The following ZNF513 variants were observed in gnomAD, a reference collection of about 807,000 sequenced individuals.
ZNF513 encodes zinc finger protein 513.
ZNF513 carries 16 observed loss-of-function variants against 39.7 expected under a neutral mutation model. The ratio of observed to expected loss-of-function variants is 0.40; its 90% CI spans 0.27 to 0.61. The LOEUF is 0.61. Among genes scored for constraint, ZNF513 ranks in the 20% least tolerant of loss-of-function variants. ZNF513 has a pLI of 0.39. For synonymous variants in ZNF513, 348 were observed against 296.5 expected, an observed-to-expected ratio of 1.17 and a Z score of -1.79; for missense variants, 699 against 743.6, an observed-to-expected ratio of 0.94 and a Z score of 0.70.
chr2:27,380,652 C>T lies in ZNF513; in HGVS notation c.-126G>A. On this transcript the variant is annotated 5_prime_UTR_variant, in exon 1 of 4. Coordinates refer to ENST00000323703, the MANE Select transcript of ZNF513 (RefSeq NM_144631.6). ...GCCGCCCCCATGCAGCGGCGCGGGC[C>T]CTGGGCAGCCCCCGGCCCTGGCCCC... The T allele has an allele frequency of 7.4e-7, 1 of 1,350,942 alleles. No individual in the cohort carries two copies. Among genetic ancestry groups the T allele is most frequent in the Non-Finnish European group, 9.5e-7 (1 of 1,055,644 alleles). The allele number at this position is 1,350,942 out of a possible 1,614,324, so 83.7% of individuals were successfully genotyped here.
Position 27,378,440 on chromosome 2 carries a change from A to C in ZNF513, c.799+27T>G. On this transcript the variant is annotated intron_variant, in intron 3 of 3. Coordinates refer to ENST00000323703, the MANE Select transcript of ZNF513 (RefSeq NM_144631.6). This position sits in a 1 kb window ranked among gnomAD's most constrained non-coding sequence, Gnocchi z 8.0. ...CCTAGGGTCAGCCACCCATGTCCCAAGATCTTTGGTCCCTGGTGTGTCTTA... is the reference window on the plus strand; with the variant it reads ...CCTAGGGTCAGCCACCCATGTCCCACGATCTTTGGTCCCTGGTGTGTCTTA... 2 of 1,613,728 alleles carry C rather than the reference A, an allele frequency of 1.2e-6. No homozygotes were observed. The highest frequency in any genetic ancestry group is 8.5e-7 in the Non-Finnish European group (1 of 1,179,910).
In ZNF513 at chr2:27,378,337, C is replaced by G; in HGVS notation, c.834G>C (p.Val278=). 6.2e-7 allele frequency: 1 copy of G among 1,601,812 alleles called. No individual in the cohort carries two copies. The highest frequency in any genetic ancestry group is 1.1e-5 in the South Asian group (1 of 91,086). The change falls in exon 4 of 4, where the codon GTG becomes GTC. Residue 278 remains valine, a synonymous_variant. Transcript: ENST00000323703. This position sits in a 1 kb window ranked among gnomAD's most constrained non-coding sequence, Gnocchi z 8.0. Reference sequence around the variant, plus strand: ...GCAGGAAACTGGCACCACCTGGTGGCACATGGAGGCTCAAATCTGGAAGGA... The same window carrying G: ...GCAGGAAACTGGCACCACCTGGTGGGACATGGAGGCTCAAATCTGGAAGGA... ...ALLLPDLSLH[V]PPGGASFLPD...
Position 27,377,739 on chromosome 2 carries a change from C to T in ZNF513, c.1432G>A (p.Ala478Thr), listed in dbSNP as rs143734828. ...TTGTCCCAGTGGCCCGTGGTATAGG[C>T]GCAGGTGGCACAGCGGAAGGGCTTC... ...GEKPFRCATC[A>T]YTTGHWDNYK... The change falls in exon 4 of 4, where the codon GCC (alanine) becomes ACC (threonine). Residue 478 changes from alanine (A) to threonine (T), a missense_variant. Physicochemically the swap from Ala to Thr is moderately conservative, Grantham distance 58. This residue lies in a region of ZNF513 where 98 missense variants were observed against 180.2 expected (regional missense o/e 0.54). Transcript: ENST00000323703. This position sits in a 1 kb window ranked among gnomAD's most constrained non-coding sequence, Gnocchi z 4.4. 3.2e-5 allele frequency: 52 copies of T among 1,614,132 alleles called. No homozygotes were observed. Among genetic ancestry groups the T allele is most frequent in the East Asian group, 1.3e-4 (6 of 44,896 alleles).
At chr2:27,380,274 T>G (rs1683560457) in intron 1 of ZNF513, 26 bp from the exon 2 acceptor site, 1 of 1,613,174 alleles carries the variant, frequency 6.2e-7, no homozygotes, top group Non-Finnish European at 8.5e-7. Flanking sequence ...GGCTTGTGGA[T>G]TCTCCCTCAG....
At position 27,380,503 on chromosome 2, in the gene ZNF513, G is replaced by A. The variant is rs1470368570; in HGVS notation, c.24C>T (p.His8=). 9 of 1,585,938 alleles carry A rather than the reference G, an allele frequency of 5.7e-6. No homozygotes were observed. The East Asian group carries it at 1.4e-4, about 24-fold the overall frequency. Residue 8 remains histidine, a synonymous_variant, in exon 1 of 4, where the codon CAC becomes CAT. Transcript: ENST00000323703. MPRRKQS[H]PQPVKCEGVK... ...CCCCCTCGCATTTCACGGGCTGCGG[G>A]TGGCTTTGCTTCCTTCGGGGCATCG...
chr2:27,378,997 C>T lies in ZNF513; in HGVS notation c.269G>A (p.Gly90Glu). 2 of 1,613,258 alleles carry T rather than the reference C, an allele frequency of 1.2e-6. No homozygotes were observed. Among genetic ancestry groups the T allele is most frequent in the Non-Finnish European group, 1.7e-6 (2 of 1,180,002 alleles). The stretch of plus-strand genomic sequence containing the variant: ...CTCCGCACTTAGTGCCCGGCCGCCC[C>T]CAGACTCATCGTCGCTCAGCCCATA... ...LPYGLSDDES[G>E]GGRALSAESE... is the part of the protein sequence containing the mutation. Residue 90 changes from glycine to glutamate, a missense_variant, in exon 3 of 4, where the codon GGG becomes GAG. Transcript: ENST00000323703. This position sits in a 1 kb window ranked among gnomAD's most constrained non-coding sequence, Gnocchi z 8.0.
chr2:27,380,435 C>A, intron 1 of ZNF513, 37 bp downstream of exon 1: 1 of 1,580,076 alleles, frequency 6.3e-7, no homozygotes, highest in Non-Finnish European at 8.6e-7. Context: ...CTGACCCCAC[C>A]CCCGCTCCTC....
Position 27,380,598 on chromosome 2 carries a change from C to T in ZNF513, c.-72G>A. On this transcript the variant is annotated 5_prime_UTR_variant, in exon 1 of 4. Transcript: ENST00000323703. ...CCCCGCCCCTCCTATCTCGGCCCGC[C>T]TGTCTGCCCTTCCTCTCAGGGCCCG... is the stretch of plus-strand genomic sequence containing the variant. The T allele has an allele frequency of 2.6e-6, 4 of 1,538,286 alleles. No homozygotes were observed. The highest frequency in any genetic ancestry group is 2.0e-5 in the Admixed American group (1 of 50,342).
At chr2:27,379,986 C>T in intron 2 of ZNF513, 107 bp downstream of exon 2, 1 of 1,455,586 alleles carries the variant, frequency 6.9e-7, no homozygotes, top group Non-Finnish European at 9.6e-7. Flanking sequence ...TAAACTAAAC[C>T]AGCCCTCGGT....
Position 27,378,913 on chromosome 2 carries a change from G to T in ZNF513, c.353C>A (p.Pro118Gln). Residue 118 changes from proline to glutamine, a missense_variant, in exon 3 of 4, where the codon CCA becomes CAA. By Grantham distance (76) the Pro-to-Gln change is moderately conservative (BLOSUM62 -1). Transcript: ENST00000323703. The surrounding 1 kb of genome is among the most constrained non-coding windows in gnomAD (Gnocchi z 8.0). Reference protein sequence around the residue: ...PGEARGERPGPACQLCGGPTG... With the variant: ...PGEARGERPGQACQLCGGPTG... The stretch of plus-strand genomic sequence containing the variant: ...CGGCCCCCCACACAGCTGGCAGGCT[G>T]GGCCTGGCCTCTCACCCCTGGCCTC... 6.2e-7 allele frequency: 1 copy of T among 1,606,360 alleles called. No homozygotes were observed. Among genetic ancestry groups the T allele is most frequent in the Non-Finnish European group, 8.5e-7 (1 of 1,176,164 alleles).
rs138245420 is a variant in ZNF513 at position 27,379,552 on chromosome 2, A to G, written c.212-498T>C. 3.2e-3 allele frequency among the ~76,000 whole-genome samples: 489 copies of G among 152,316 alleles called. 2 individuals carry two copies. Among genetic ancestry groups the G allele is most frequent in the Non-Finnish European group, 5.0e-3 (339 of 68,036 alleles). On this transcript the variant is annotated intron_variant, in intron 2 of 3. Coordinates refer to ENST00000323703, the MANE Select transcript of ZNF513 (RefSeq NM_144631.6). ...CCACTTGCCTGCCTAAAGAACAGAT[A>G]TTTACATGGATCCCCTCAATGACTT...
At position 27,377,627 on chromosome 2, in the gene ZNF513, C is replaced by G. The variant is rs1376957265; in HGVS notation, c.1544G>C (p.Ser515Thr). 2 of 1,614,122 alleles carry G rather than the reference C, an allele frequency of 1.2e-6. No homozygotes were observed. Among genetic ancestry groups the G allele is most frequent in the Admixed American group, 3.3e-5 (2 of 60,024 alleles). The part of the protein sequence containing the change: ...SASEGWAPPH[S>T]PPSVLSSRGP... Reference sequence around the variant, plus strand: ...CCGAGAGCTCAAAACAGAGGGTGGGCTATGAGGTGGGGCCCAGCCCTCAGA... The same window carrying G: ...CCGAGAGCTCAAAACAGAGGGTGGGGTATGAGGTGGGGCCCAGCCCTCAGA... Residue 515 changes from serine to threonine, a missense_variant, in exon 4 of 4, where the codon AGC becomes ACC. Coordinates refer to ENST00000323703, the MANE Select transcript of ZNF513 (RefSeq NM_144631.6). The surrounding 1 kb of genome is among the most constrained non-coding windows in gnomAD (Gnocchi z 4.4).
chr2:27,380,589 T>C lies in ZNF513; in HGVS notation c.-63A>G. ...GCCGCCCGACCCCGCCCCTCCTATC[T>C]CGGCCCGCCTGTCTGCCCTTCCTCT... On this transcript the variant is annotated 5_prime_UTR_variant, in exon 1 of 4. Coordinates refer to ENST00000323703, the MANE Select transcript of ZNF513 (RefSeq NM_144631.6). 15 of 1,534,500 alleles carry C rather than the reference T, an allele frequency of 9.8e-6. 1 individual carries two copies. In the South Asian group the frequency reaches 1.7e-4, roughly 17 times the overall value.
In ZNF513 at chr2:27,378,025, G is replaced by A. The variant is rs1279823760; in HGVS notation, c.1146C>T (p.His382=). ...CGCAGCGGAAGGGCTTCTCACCACT[G>A]TGTGTCTTCATGTGCCGGGCCAGGT... is the stretch of plus-strand genomic sequence containing the variant. ...PNHLARHMKT[H]SGEKPFRCAR... The change falls in exon 4 of 4, where the codon CAC becomes CAT. Residue 382 remains histidine, a synonymous_variant. Transcript: ENST00000323703. This position sits in a 1 kb window ranked among gnomAD's most constrained non-coding sequence, Gnocchi z 8.0. 6.2e-7 allele frequency: 1 copy of A among 1,611,954 alleles called. No individual in the cohort carries two copies.
Position 27,378,669 on chromosome 2 carries a change from G to C in ZNF513, c.597C>G (p.Thr199=), listed in dbSNP as rs2148413272. Reference sequence around the variant, plus strand: ...AGCGGTAGGGCTTCTCGCCAGTGTGGGTGCGGGTATGTCGTGTCAGGTTGA... The same window carrying C: ...AGCGGTAGGGCTTCTCGCCAGTGTGCGTGCGGGTATGTCGTGTCAGGTTGA... ...QLVNLTRHTR[T]HTGEKPYRCP... is the part of the protein sequence containing the mutation. The change falls in exon 3 of 4, where the codon ACC becomes ACG. Residue 199 remains threonine (T), a synonymous_variant. Transcript: ENST00000323703. The surrounding 1 kb of genome is among the most constrained non-coding windows in gnomAD (Gnocchi z 8.0). 6.2e-7 allele frequency: 1 copy of C among 1,613,830 alleles called. No homozygotes were observed. The highest frequency in any genetic ancestry group is 8.5e-7 in the Non-Finnish European group (1 of 1,179,960).
chr2:27,380,123 G>A lies in ZNF513; in HGVS notation c.181C>T (p.Gln61Ter). ...GAGTCTCTCTCGAAGCCCATGAGCT[G>A]GTCACTGTTGCCGTCGCCTTCCTCC... ...EEEEGDGNSD[Q>*]LMGFERDSEG... Residue 61 changes from glutamine to a stop codon, truncating the protein, a stop_gained, in exon 2 of 4, where the codon CAG (glutamine) becomes TAG (stop). Transcript: ENST00000323703. LOFTEE classifies it high-confidence loss of function. 1.2e-6 allele frequency: 2 copies of A among 1,614,080 alleles called. No individual in the cohort carries two copies. The highest frequency in any genetic ancestry group is 1.7e-6 in the Non-Finnish European group (2 of 1,180,006).
At position 27,377,568 on chromosome 2, in the gene ZNF513, C is replaced by T. The variant is rs986599043; in HGVS notation, c.1603G>A (p.Ala535Thr). Residue 535 changes from alanine to threonine, a missense_variant, in exon 4 of 4, where the codon GCT becomes ACT. Physicochemically the swap from Ala to Thr is moderately conservative, Grantham distance 58 (BLOSUM62 0). This residue lies in a region of ZNF513 where 71 missense variants were observed against 64.1 expected (regional missense o/e 1.11). Transcript: ENST00000323703. This position sits in a 1 kb window ranked among gnomAD's most constrained non-coding sequence, Gnocchi z 4.4. The stretch of plus-strand genomic sequence containing the variant: ...GTTCAGGATGAGTCTGTGTGGACAG[C>T]CCGGCTGCCAGCAGTCCCCAGGGCT... ...PPALGTAGSR[A>T]VHTDSS 2 of 1,613,942 alleles carry T rather than the reference C, an allele frequency of 1.2e-6. No homozygotes were observed. The highest frequency in any genetic ancestry group is 1.7e-6 in the Non-Finnish European group (2 of 1,180,052).
In ZNF513 at chr2:27,380,728, GC is replaced by G. The variant is rs886055910; in HGVS notation, c.-203del. ...CGCCGCCGCCGCTTCCATTCATGGA[GC>G]CCCCTACCCCCCTACGGAGACCAGC... is the stretch of plus-strand genomic sequence containing the variant. On this transcript the variant is annotated 5_prime_UTR_variant, in exon 1 of 4. Coordinates refer to ENST00000323703, the MANE Select transcript of ZNF513 (RefSeq NM_144631.6). 7.1e-5 allele frequency: 66 copies of G among 929,968 alleles called. No individual in the cohort carries two copies. Among genetic ancestry groups the G allele is most frequent in the Non-Finnish European group, 8.7e-5 (62 of 712,808 alleles). The allele number at this position is 929,968 out of a possible 1,614,324, so 57.6% of individuals were successfully genotyped here.
At chr2:27,380,440 C>T (rs1400330422) in intron 1 of ZNF513, 32 bp downstream of exon 1, 2 of 1,584,600 alleles carry the variant, frequency 1.3e-6, no homozygotes, top group Admixed American at 1.8e-5. Context: ...CCCACCCCCG[C>T]TCCTCTCCCC....
Sources: allele counts gnomAD v4.1 joint callset (sites outside exome capture counted in the v4.1 genomes callset), GRCh38; gene constraint gnomAD v4.1.1; regional missense constraint gnomAD v4.1.1; non-coding constraint Gnocchi (gnomAD v3.1); transcripts MANE v1.5; gene names NCBI Gene and HGNC (gene_info 2026-07-23, HGNC 2026-07-21).